Variants in AGBL4 observed in about 807,000 individuals in gnomAD.
The protein encoded by AGBL4 is AGBL carboxypeptidase 4.
A neutral mutation model predicts 66.4 loss-of-function variants in AGBL4; 58 were observed. The ratio of observed to expected loss-of-function variants is 0.87; its 90% CI spans 0.71 to 1.09. The LOEUF is 1.09. AGBL4 is among the 50% of genes least tolerant of loss of function. The pLI, the probability that AGBL4 is intolerant of heterozygous loss-of-function variation, is 0.00. For synonymous variants in AGBL4, 234 were observed against 222.9 expected (o/e 1.05, Z -0.44); for missense variants, 579 against 631.0 (o/e 0.92, Z 0.88).
intron 3 of AGBL4, among the ~76,000 whole-genome samples, chr1:49,617,860 T>C (rs1035177293): frequency 2.0e-5 from 3 of 152,210 alleles, no homozygotes; most frequent in African/African-American, 4.8e-5. Context: ...TTTTGTTTTG[T>C]TTTTCATATT....
intron 2 of AGBL4, among the ~76,000 whole-genome samples, chr1:49,758,543 A>T (rs1481375535): frequency 6.6e-6 from 1 of 152,160 alleles, no homozygotes; most frequent in Non-Finnish European, 1.5e-5. Flanking sequence ...CACATGTGAC[A>T]TACAGAGTCA....
At chr1:49,207,716 C>G (rs560783432) in intron 4 of AGBL4, among the ~76,000 whole-genome samples, 1 of 151,718 alleles carries the variant, frequency 6.6e-6, no homozygotes, top group African/African-American at 2.4e-5. Context: ...CTCAGCCCCC[C>G]AAGTAGCTGA....
At chr1:49,672,252 C>T (rs769856603) in intron 3 of AGBL4, among the ~76,000 whole-genome samples, 1 of 151,572 alleles carries the variant, frequency 6.6e-6, no homozygotes, top group Non-Finnish European at 1.5e-5. Flanking sequence ...CCAAATACTT[C>T]ATGTTCTCAC....
intron 2 of AGBL4, among the ~76,000 whole-genome samples, chr1:49,772,658 C>G (rs979783088): frequency 6.6e-6 from 1 of 152,150 alleles, no homozygotes; most frequent in Non-Finnish European, 1.5e-5. Context: ...TCTTTCAGCA[C>G]TTTGAATATA....
chr1:49,883,813 T>C (rs901291375), intron 1 of AGBL4, among the ~76,000 whole-genome samples: 3 of 151,940 alleles, frequency 2.0e-5, no homozygotes, highest in Non-Finnish European at 4.4e-5. Flanking sequence ...AAAACATGCA[T>C]GTATTGACAC....
chr1:49,649,198 A>T lies in AGBL4; in HGVS notation c.282+48115T>A, dbSNP rs567923763. On this transcript the variant is annotated intron_variant, in intron 3 of 13. Coordinates refer to ENST00000371839, the MANE Select transcript of AGBL4 (RefSeq NM_032785.4). ...TGGTAACAACGGATAGTAAAACAAG[A>T]TCCAACTATATGTCATCTATAATAA... 2.0e-5 allele frequency among the ~76,000 whole-genome samples: 3 copies of T among 152,302 alleles called. No individual in the cohort carries two copies. In the East Asian group the frequency reaches 5.8e-4, roughly 29 times the overall value.
Position 49,948,536 on chromosome 1 carries a change from A to AAT in AGBL4, c.34+75225_34+75226dup, listed in dbSNP as rs1317911533. 1.4e-4 allele frequency among the ~76,000 whole-genome samples: 8 copies of AAT among 57,528 alleles called. 2 individuals carry two copies. In the South Asian group the frequency reaches 4.9e-3, roughly 35 times the overall value. The allele number at this position is 57,528 out of a possible 152,430, so 37.7% of individuals were successfully genotyped here. A position where few individuals can be genotyped will look rare whatever the true frequency, so the allele number is the denominator to read the frequency against. Reference sequence around the variant, plus strand: ...ATAAAAATATAAATAAATATATATAAATATATAAATATATATAAATATATA... The same window carrying AAT: ...ATAAAAATATAAATAAATATATATAAATATATATAAATATATATAAATATATA... On this transcript the variant is annotated intron_variant, in intron 1 of 13. Coordinates refer to ENST00000371839, the MANE Select transcript of AGBL4 (RefSeq NM_032785.4).
intron 6 of AGBL4, among the ~76,000 whole-genome samples, chr1:48,783,154 G>A (rs1182026614): frequency 7.2e-5 from 11 of 152,202 alleles, no homozygotes; most frequent in African/African-American, 2.6e-4. Flanking sequence ...GCTGCAAGCT[G>A]AGGGCCACTG....
intron 3 of AGBL4, among the ~76,000 whole-genome samples, chr1:49,559,754 G>A (rs902315231): frequency 1.3e-5 from 2 of 152,088 alleles, no homozygotes; most frequent in Non-Finnish European, 2.9e-5. Context: ...GCGACACATT[G>A]AAGGCTACAC....
intron 2 of AGBL4, among the ~76,000 whole-genome samples, chr1:49,742,693 C>T (rs1352672903): frequency 6.6e-6 from 1 of 151,856 alleles, no homozygotes; most frequent in Non-Finnish European, 1.5e-5. Flanking sequence ...GGTACTGGTA[C>T]CAAAACAGAG....
At chr1:49,540,904 T>C (rs1242521769) in intron 3 of AGBL4, among the ~76,000 whole-genome samples, 1 of 152,152 alleles carries the variant, frequency 6.6e-6, no homozygotes, top group African/African-American at 2.4e-5. Flanking sequence ...AGAGTAATGT[T>C]AGTGAAGGCG....
At chr1:48,731,350 A>G (rs1194236706) in intron 6 of AGBL4, among the ~76,000 whole-genome samples, 3 of 152,234 alleles carry the variant, frequency 2.0e-5, no homozygotes, top group Non-Finnish European at 4.4e-5. Context: ...AGCCCAGTTC[A>G]GCTTGGCTGT....
At chr1:48,626,912 C>T (rs1228035189) in intron 9 of AGBL4, among the ~76,000 whole-genome samples, 1 of 152,082 alleles carries the variant, frequency 6.6e-6, no homozygotes, top group African/African-American at 2.4e-5. Context: ...CTGTCTTTTC[C>T]TAGGGAGTGA....
intron 3 of AGBL4, among the ~76,000 whole-genome samples, chr1:49,461,006 G>A (rs914134428): frequency 5.3e-5 from 8 of 151,634 alleles, no homozygotes; most frequent in Admixed American, 2.6e-4. Context: ...GGTACCTGAC[G>A]TTTTTGTCTC....
chr1:49,249,456 G>T (rs1557766081), intron 3 of AGBL4, among the ~76,000 whole-genome samples: 1 of 151,982 alleles, frequency 6.6e-6, no homozygotes, highest in Non-Finnish European at 1.5e-5. Flanking sequence ...ATGGACAATA[G>T]GTATATGAAA....
At chr1:49,727,080 T>C (rs1166466655) in intron 2 of AGBL4, among the ~76,000 whole-genome samples, 2 of 152,116 alleles carry the variant, frequency 1.3e-5, no homozygotes, top group Non-Finnish European at 2.9e-5. Flanking sequence ...TAAATTATTA[T>C]CCAGCCAACC....
At chr1:49,342,409 T>A (rs769271192) in intron 3 of AGBL4, among the ~76,000 whole-genome samples, 2 of 152,172 alleles carry the variant, frequency 1.3e-5, no homozygotes, top group Non-Finnish European at 2.9e-5. Context: ...ACTGGTCAGT[T>A]AAAAGCTTTG....
chr1:49,609,250 T>C (rs1325536805), intron 3 of AGBL4, among the ~76,000 whole-genome samples: 1 of 152,204 alleles, frequency 6.6e-6, no homozygotes, highest in African/African-American at 2.4e-5. Context: ...GCTAGCTTCC[T>C]GTGTTTTTCA....
At chr1:49,883,028 A>C (rs1291266733) in intron 1 of AGBL4, among the ~76,000 whole-genome samples, 3 of 152,164 alleles carry the variant, frequency 2.0e-5, no homozygotes, top group Admixed American at 6.5e-5. Flanking sequence ...ACATGGCTTT[A>C]ATAAACACTG....
Sources: gnomAD v4.1 joint callset for allele counts (sites outside exome capture counted in the v4.1 genomes callset) on GRCh38, gnomAD v4.1.1 for gene constraint, MANE v1.5 for transcripts, NCBI Gene and HGNC (gene_info 2026-07-23, HGNC 2026-07-21) for gene names.